SAMD12: variants seen among roughly 807,000 people sequenced by gnomAD.
The protein encoded by SAMD12 is sterile alpha motif domain containing 12.
A neutral mutation model predicts 15.0 loss-of-function variants in SAMD12; 9 were observed. The ratio of observed to expected loss-of-function variants is 0.60; its 90% confidence interval spans 0.36 to 1.05. SAMD12 has a LOEUF of 1.05. SAMD12 is among the 50% of genes least tolerant of loss of function. The pLI, the probability that SAMD12 is intolerant of heterozygous loss-of-function variation, is 0.01. For missense variants in SAMD12, 230 were observed against 234.2 expected, an observed-to-expected ratio of 0.98 and a Z score of 0.12; for synonymous variants, 86 against 90.1, an observed-to-expected ratio of 0.96 and a Z score of 0.25.
intron 4 of SAMD12, among the ~76,000 whole-genome samples, chr8:118,243,184 AT>A (rs1335831571): frequency 6.6e-6 from 1 of 152,198 alleles, no homozygotes; most frequent in Non-Finnish European, 1.5e-5. Context: ...TTGAATAAAA[AT>A]GAAAAACGAT....
intron 2 of SAMD12, among the ~76,000 whole-genome samples, chr8:118,483,814 T>C (rs1162375818): frequency 6.6e-6 from 1 of 152,206 alleles, no homozygotes; most frequent in African/African-American, 2.4e-5. Flanking sequence ...ATATTGTCAT[T>C]CTTACCCCCA....
At chr8:118,308,934 C>T (rs1206906747) in intron 4 of SAMD12, among the ~76,000 whole-genome samples, 1 of 152,082 alleles carries the variant, frequency 6.6e-6, no homozygotes, top group East Asian at 1.9e-4. Flanking sequence ...AGGAAAAGCC[C>T]AAATTTTAGG....
chr8:118,408,840 A>G (rs898068365), intron 3 of SAMD12, among the ~76,000 whole-genome samples: 1 of 152,096 alleles, frequency 6.6e-6, no homozygotes. Context: ...TAGCTCTCCT[A>G]CTAAAAAGAG....
At chr8:118,423,851 A>G (rs770729510) in intron 3 of SAMD12, among the ~76,000 whole-genome samples, 2 of 152,228 alleles carry the variant, frequency 1.3e-5, no homozygotes, top group Non-Finnish European at 2.9e-5. Context: ...ATTAAACAAT[A>G]TACGAAAAAT....
intron 2 of SAMD12, among the ~76,000 whole-genome samples, chr8:118,497,723 CG>C (rs57304177): frequency 0.47 from 27,508 of 58,570 alleles, 3,572 homozygotes; most frequent in South Asian, 0.63. Flanking sequence ...ACTTAAGTTG[CG>C]GGGGGGGGTG....
chr8:118,515,254 C>T (rs1431563848), intron 2 of SAMD12, among the ~76,000 whole-genome samples: 1 of 138,318 alleles, frequency 7.2e-6, no homozygotes, highest in African/African-American at 2.8e-5. Flanking sequence ...AGGATGGTCT[C>T]GATCTCCTGA....
intron 3 of SAMD12, among the ~76,000 whole-genome samples, chr8:118,381,537 G>T (rs1181637396): frequency 6.6e-6 from 1 of 152,146 alleles, no homozygotes; most frequent in African/African-American, 2.4e-5. Flanking sequence ...TTATCCAGGT[G>T]AGTCCAATCT....
Position 118,498,029 on chromosome 8 carries a change from G to C in SAMD12, c.193-58068C>G, listed in dbSNP as rs940332937. The stretch of plus-strand genomic sequence containing the variant: ...AAGTGGAAAGAATGAAACAACACAG[G>C]ACTAATTAAACAGAAGAACAGGAAG... On this transcript the variant is annotated intron_variant, in intron 2 of 3. Coordinates refer to ENST00000314727, the MANE Select transcript of SAMD12 (RefSeq NM_207506.3). 2.6e-5 allele frequency among the ~76,000 whole-genome samples: 4 copies of C among 152,074 alleles called. 1 individual carries two copies. Among genetic ancestry groups the C allele is most frequent in the Non-Finnish European group, 2.9e-5 (2 of 68,024 alleles).
At chr8:118,323,907 T>C (rs78755956) in intron 4 of SAMD12, among the ~76,000 whole-genome samples, 11,607 of 152,280 alleles carry the variant, frequency 0.076, 801 homozygotes, top group Admixed American at 0.21. Context: ...TGGACTCATA[T>C]GAGTAAAATA....
the SAMD12 span, among the ~76,000 whole-genome samples, chr8:118,155,423 T>C: frequency 4.6e-5 from 7 of 152,210 alleles, no homozygotes; most frequent in South Asian, 1.5e-3. Context: ...TTCTGTATAG[T>C]TTTATTCAGT....
downstream of SAMD12, among the ~76,000 whole-genome samples, chr8:118,185,123 C>T (rs914997949): frequency 1.3e-5 from 2 of 151,794 alleles, no homozygotes; most frequent in Non-Finnish European, 2.9e-5. Flanking sequence ...ACCTGGGAGA[C>T]AAAAATATTT....
At chr8:118,518,591 G>A (rs1236365289) in intron 2 of SAMD12, among the ~76,000 whole-genome samples, 1 of 152,118 alleles carries the variant, frequency 6.6e-6, no homozygotes, top group Admixed American at 6.6e-5. Flanking sequence ...ATCAACAAAT[G>A]TTTATTGTGT....
chr8:118,480,196 T>C (rs1201308575), intron 2 of SAMD12, among the ~76,000 whole-genome samples: 2 of 152,200 alleles, frequency 1.3e-5, no homozygotes, highest in South Asian at 2.1e-4. Flanking sequence ...GGCAGCATCA[T>C]GCCACATGTC....
At chr8:118,226,191 A>C (rs1034085368) in intron 4 of SAMD12, among the ~76,000 whole-genome samples, 2 of 152,192 alleles carry the variant, frequency 1.3e-5, no homozygotes, top group Admixed American at 1.3e-4. Flanking sequence ...ACATGAGGAC[A>C]CTGAGGAATG....
In SAMD12 at chr8:118,309,712, T is replaced by A. The variant is rs144408704; in HGVS notation, c.433+69848A>T. On this transcript the variant is annotated intron_variant, in intron 4 of 4. Coordinates refer to the SAMD12 transcript ENST00000409003. ...ATAGGCCTTTGCTTACAGAGTTATC[T>A]TTGCTTAGAATTCTACTCCTTCTCT... Among the ~76,000 whole-genome samples, 529 of 152,306 alleles carry A rather than the reference T, an allele frequency of 3.5e-3. 4 individuals carry two copies. The highest frequency in any genetic ancestry group is 0.027 in the South Asian group (131 of 4,828).
chr8:118,369,101 C>T (rs1259341448), intron 4 of SAMD12, among the ~76,000 whole-genome samples: 1 of 152,188 alleles, frequency 6.6e-6, no homozygotes, highest in East Asian at 1.9e-4. Context: ...TAGTACCTCA[C>T]ACAAAGTGTG....
chr8:118,321,432 G>A (rs1378509378), intron 4 of SAMD12, among the ~76,000 whole-genome samples: 1 of 151,234 alleles, frequency 6.6e-6, no homozygotes, highest in African/African-American at 2.4e-5. Context: ...TGGCGAATAT[G>A]GTGAAACCCC....
At chr8:118,553,792 G>T (rs894782497) in intron 2 of SAMD12, among the ~76,000 whole-genome samples, 1 of 150,100 alleles carries the variant, frequency 6.7e-6, no homozygotes, top group African/African-American at 2.5e-5. Context: ...ATCTGACAAA[G>T]GGCTAATATC....
intron 3 of SAMD12, among the ~76,000 whole-genome samples, chr8:118,392,600 G>A (rs753988915): frequency 6.6e-5 from 10 of 152,204 alleles, no homozygotes; most frequent in Non-Finnish European, 1.0e-4. Context: ...GGTGACCCTG[G>A]GAAATCTTTC....
Sources: gnomAD v4.1 joint callset for allele counts (sites outside exome capture counted in the v4.1 genomes callset) on GRCh38, gnomAD v4.1.1 for gene constraint, MANE v1.5 for transcripts, NCBI Gene and HGNC (gene_info 2026-07-23, HGNC 2026-07-21) for gene names.